SLC35D4: variants seen among roughly 807,000 people sequenced by gnomAD.
SLC35D4 encodes the protein UDP-N-acetylglucosamine transporter SLC35D4.
the SLC35D4 span, among the ~76,000 whole-genome samples, chr18:23,355,723 C>T: frequency 6.6e-6 from 1 of 151,764 alleles, no homozygotes; most frequent in South Asian, 2.1e-4. Flanking sequence ...GAACAGGTGG[C>T]CTGATTTTTA....
At chr18:23,421,398 G>A in the SLC35D4 span, 1 of 1,614,052 alleles carries the variant, frequency 6.2e-7, no homozygotes, top group Admixed American at 1.7e-5. Context: ...ACCCAGCCCA[G>A]TTTCCAGGAC....
chr18:23,267,375 T>C, the SLC35D4 span, among the ~76,000 whole-genome samples: 1 of 152,256 alleles, frequency 6.6e-6, no homozygotes, highest in Admixed American at 6.5e-5. Context: ...TCAGACTCTA[T>C]AGGCTCTTCT....
the SLC35D4 span, among the ~76,000 whole-genome samples, chr18:23,381,587 A>G: frequency 1.3e-5 from 2 of 152,374 alleles, no homozygotes; most frequent in Non-Finnish European, 2.9e-5. Context: ...AACAACAACA[A>G]CAACAACAAC....
At chr18:23,419,451 C>T in the SLC35D4 span, among the ~76,000 whole-genome samples, 1 of 152,002 alleles carries the variant, frequency 6.6e-6, no homozygotes, top group Non-Finnish European at 1.5e-5. Context: ...TGCCACCACG[C>T]CCAGCTAATT....
the SLC35D4 span, among the ~76,000 whole-genome samples, chr18:23,399,857 C>A: frequency 6.6e-6 from 1 of 152,308 alleles, no homozygotes; most frequent in African/African-American, 2.4e-5. Context: ...CATTACTGAT[C>A]ATCTAGCCTA....
At chr18:23,349,573 A>G in the SLC35D4 span, among the ~76,000 whole-genome samples, 1 of 152,228 alleles carries the variant, frequency 6.6e-6, no homozygotes, top group Non-Finnish European at 1.5e-5. Flanking sequence ...GGAGGTTGCA[A>G]TGAGCTGAGA....
At chr18:23,309,619 T>C in the SLC35D4 span, 3 of 1,482,124 alleles carry the variant, frequency 2.0e-6, no homozygotes, top group Non-Finnish European at 1.9e-6. Flanking sequence ...GAGCAAAATT[T>C]AGTATCCTGA....
chr18:23,273,647 G>A, the SLC35D4 span, among the ~76,000 whole-genome samples: 1 of 152,124 alleles, frequency 6.6e-6, no homozygotes, highest in East Asian at 1.9e-4. Context: ...GACTTCTGGG[G>A]TGACTGCATA....
chr18:23,353,356 ATAAAC>A, the SLC35D4 span, among the ~76,000 whole-genome samples: 1 of 152,144 alleles, frequency 6.6e-6, no homozygotes, highest in Non-Finnish European at 1.5e-5. Context: ...AATACTGATC[ATAAAC>A]TCTGAGCAGG....
At chr18:23,247,197 G>A in the SLC35D4 span, among the ~76,000 whole-genome samples, 18 of 152,306 alleles carry the variant, frequency 1.2e-4, no homozygotes, top group East Asian at 7.7e-4. Context: ...TGGGAGGCCC[G>A]GCCTCTAAGG....
chr18:23,359,327 T>TG, the SLC35D4 span, among the ~76,000 whole-genome samples: 10 of 144,632 alleles, frequency 6.9e-5, no homozygotes, highest in East Asian at 2.0e-3. Context: ...GAGGTTGCAG[T>TG]AAGCCGAGAT....
chr18:23,271,210 G>T, the SLC35D4 span, among the ~76,000 whole-genome samples: 1 of 152,102 alleles, frequency 6.6e-6, no homozygotes, highest in Non-Finnish European at 1.5e-5. Context: ...CTCATCTGCC[G>T]CCATGTGAGA....
At chr18:23,242,312 A>G in the SLC35D4 span, among the ~76,000 whole-genome samples, 1 of 152,160 alleles carries the variant, frequency 6.6e-6, no homozygotes, top group Non-Finnish European at 1.5e-5. Context: ...TGTGCAAAAC[A>G]AATTGCAGCT....
the SLC35D4 span, among the ~76,000 whole-genome samples, chr18:23,379,917 G>T: frequency 1.3e-5 from 2 of 152,040 alleles, no homozygotes; most frequent in Non-Finnish European, 2.9e-5. Context: ...ACAACATGGC[G>T]AAACCCCGTC....
the SLC35D4 span, among the ~76,000 whole-genome samples, chr18:23,389,884 G>A: frequency 6.6e-6 from 1 of 152,012 alleles, no homozygotes; most frequent in African/African-American, 2.4e-5. Flanking sequence ...CTCTAACTCT[G>A]TACAATTCCT....
chr18:23,284,957 C>T, the SLC35D4 span, among the ~76,000 whole-genome samples: 1 of 152,222 alleles, frequency 6.6e-6, no homozygotes, highest in Admixed American at 6.5e-5. Flanking sequence ...CAAGGACCTT[C>T]AGGAAGGTGC....
the SLC35D4 span, among the ~76,000 whole-genome samples, chr18:23,253,517 C>T: frequency 0.036 from 5,545 of 152,172 alleles, 218 homozygotes; most frequent in East Asian, 0.17. Flanking sequence ...ATGTTTTATA[C>T]GACCTGACCA....
chr18:23,297,956 A>G, the SLC35D4 span: 2 of 1,602,434 alleles, frequency 1.2e-6, no homozygotes, highest in Non-Finnish European at 1.7e-6. Context: ...ACACAGGTGT[A>G]CAAGCTGTTC....
the SLC35D4 span, among the ~76,000 whole-genome samples, chr18:23,267,511 C>T: frequency 1.3e-5 from 2 of 152,170 alleles, no homozygotes; most frequent in East Asian, 1.9e-4. Context: ...ACTTGCTTTC[C>T]TCCCCCCAGG....
Sources: allele counts gnomAD v4.1 joint callset (sites outside exome capture counted in the v4.1 genomes callset), GRCh38; gene constraint gnomAD v4.1.1; transcripts MANE v1.5; gene names NCBI Gene and HGNC (gene_info 2026-07-23, HGNC 2026-07-21).